Variants in OPA1 observed in about 807,000 individuals in gnomAD.
The protein encoded by OPA1 is OPA1 mitochondrial dynamin like GTPase.
In OPA1, 59 loss-of-function variants were observed where a neutral mutation model predicts 152.9. The ratio of observed to expected loss-of-function variants is 0.39; its 90% CI spans 0.31 to 0.48. OPA1 has a LOEUF of 0.48. Ranked by LOEUF, OPA1 falls within the 20% of genes least tolerant of loss-of-function variation. OPA1 has a pLI of 0.96. For synonymous variants in OPA1, 400 were observed against 389.9 expected, an observed-to-expected ratio of 1.03 and a Z score of -0.31; for missense variants, 1,008 against 1,216.8, an observed-to-expected ratio of 0.83 and a Z score of 2.55.
At chr3:193,663,921 C>T (rs1715909636) in intron 26 of OPA1, among the ~76,000 whole-genome samples, 1 of 152,038 alleles carries the variant, frequency 6.6e-6, no homozygotes, top group Admixed American at 6.6e-5. Flanking sequence ...TTGTTGGTCC[C>T]AGCTCTCGTT....
intron 1 of OPA1, among the ~76,000 whole-genome samples, chr3:193,600,510 G>A (rs772719200): frequency 1.3e-5 from 2 of 152,176 alleles, no homozygotes; most frequent in Non-Finnish European, 2.9e-5. Context: ...CCGTCAAAAT[G>A]CTAAGGTGTA....
chr3:193,671,865 G>A (rs868147385), intron 29 of OPA1, among the ~76,000 whole-genome samples: 20 of 152,326 alleles, frequency 1.3e-4, no homozygotes, highest in African/African-American at 4.1e-4. Flanking sequence ...CCCTGAAGAC[G>A]TTGAAACACT....
At chr3:193,610,365 G>A (rs1728010583) in intron 1 of OPA1, among the ~76,000 whole-genome samples, 1 of 152,234 alleles carries the variant, frequency 6.6e-6, no homozygotes, top group Non-Finnish European at 1.5e-5. Flanking sequence ...TTGGTGAACA[G>A]CAGATGTTGC....
chr3:193,593,878 T>G (rs1394390792), intron 1 of OPA1, among the ~76,000 whole-genome samples: 1 of 152,082 alleles, frequency 6.6e-6, no homozygotes, highest in Non-Finnish European at 1.5e-5. Context: ...GTACCTGGGC[T>G]CTTCTATCGG....
chr3:193,602,901 G>A (rs1726676961), intron 1 of OPA1, among the ~76,000 whole-genome samples: 1 of 152,102 alleles, frequency 6.6e-6, no homozygotes, highest in Non-Finnish European at 1.5e-5. Flanking sequence ...TTCCTACATG[G>A]GAAGGCCTTT....
chr3:193,675,323 T>TTTA (rs1718729535), intron 29 of OPA1, among the ~76,000 whole-genome samples: 1 of 122,894 alleles, frequency 8.1e-6, no homozygotes. Flanking sequence ...TTTTTTTTTT[T>TTTA]TAAGAAAAAA....
intron 19 of OPA1, 127 bp downstream of exon 19, chr3:193,647,307 G>C: frequency 1.5e-6 from 1 of 685,630 alleles, no homozygotes; most frequent in Non-Finnish European, 2.6e-6. Flanking sequence ...CAATTAGACA[G>C]TATCTGGAAA....
intron 11 of OPA1, among the ~76,000 whole-genome samples, chr3:193,639,661 A>G (rs1017296344): frequency 3.9e-5 from 6 of 152,206 alleles, no homozygotes; most frequent in Non-Finnish European, 8.8e-5. Flanking sequence ...CATTGTACAG[A>G]CTTCCGTTTT....
chr3:193,619,822 A>G (rs1289295037), intron 6 of OPA1: 2 of 152,206 alleles, frequency 1.3e-5, no homozygotes, highest in African/African-American at 4.8e-5. Context: ...GGAAGCAGAA[A>G]GAAGAAATAA....
At chr3:193,650,081 A>G (rs1280130810) in intron 21 of OPA1, among the ~76,000 whole-genome samples, 8 of 152,216 alleles carry the variant, frequency 5.3e-5, no homozygotes, top group Admixed American at 5.2e-4. Context: ...AATTTTTGGT[A>G]TCATCAAATG....
At position 193,600,063 on chromosome 3, in the gene OPA1, C is replaced by T. The variant is rs1021733282; in HGVS notation, c.32+6654C>T. 2.6e-5 allele frequency among the ~76,000 whole-genome samples: 4 copies of T among 152,152 alleles called. No individual in the cohort carries two copies. The East Asian group carries it at 5.8e-4, about 22-fold the overall frequency. On this transcript the variant is annotated intron_variant, in intron 1 of 30. Coordinates refer to ENST00000361510, the MANE Select transcript of OPA1 (RefSeq NM_130837.3). The stretch of plus-strand genomic sequence containing the variant: ...GATGCATACTACTAAGTTAGGTTTT[C>T]GATTTTGTCTGCCTATTTGAGCTAG...
intron 1 of OPA1, among the ~76,000 whole-genome samples, chr3:193,596,527 A>G: frequency 6.6e-6 from 1 of 151,816 alleles, no homozygotes; most frequent in Non-Finnish European, 1.5e-5. Context: ...GGCGTGCGCC[A>G]CTGCATTTGG....
At chr3:193,660,002 G>A (rs566700055) in intron 25 of OPA1, among the ~76,000 whole-genome samples, 37 of 152,226 alleles carry the variant, frequency 2.4e-4, no homozygotes, top group Admixed American at 3.9e-4. Flanking sequence ...AAAAAAATTA[G>A]CCAGGTGTGG....
rs1734784006 is a variant in OPA1 at position 193,647,146 on chromosome 3, A to G, written c.1836A>G (p.Arg612=). The G allele has an allele frequency of 6.2e-7, 1 of 1,613,308 alleles. No homozygotes were observed. The highest frequency in any genetic ancestry group is 1.7e-5 in the Admixed American group (1 of 59,996). Reference sequence around the variant, plus strand: ...CAGACTGCTTTTGGAAAATGGTACGAGAGTCTGTTGAACAACAGGCTGATA... The same window carrying G: ...CAGACTGCTTTTGGAAAATGGTACGGGAGTCTGTTGAACAACAGGCTGATA... ...AVSDCFWKMV[R]ESVEQQADSF... Residue 612 remains arginine (R), a synonymous_variant, in exon 19 of 31, where the codon CGA becomes CGG. Transcript: ENST00000361510.
rs180702506 is a variant in OPA1 at position 193,642,614 on chromosome 3, T to C, written c.1150-151T>C. 26 of 657,838 alleles carry C rather than the reference T, an allele frequency of 4.0e-5. 1 individual carries two copies. Among genetic ancestry groups the C allele is most frequent in the African/African-American group, 3.4e-4 (19 of 55,234 alleles). 40.8% of individuals were successfully genotyped at this position (657,838 alleles called of 1,614,324 possible). A position where few individuals can be genotyped will look rare whatever the true frequency, so the allele number is the denominator to read the frequency against. ...AATTATTGTCTTGTCAGAACTACCA[T>C]GTTGACAGCTTCAGGGGGTGCCCCA... On this transcript the variant is annotated intron_variant, in intron 11 of 30. Transcript: ENST00000361510.
At chr3:193,676,824 C>G (rs545744258) in intron 29 of OPA1, among the ~76,000 whole-genome samples, 2 of 151,864 alleles carry the variant, frequency 1.3e-5, no homozygotes, top group Admixed American at 1.3e-4. Flanking sequence ...ACTAAAAATA[C>G]AAAAAATTTA....
chr3:193,668,327 T>A, intron 29 of OPA1: 1 of 1,550,754 alleles, frequency 6.4e-7, no homozygotes, highest in Non-Finnish European at 8.7e-7. Context: ...ATGTTCTTTT[T>A]CCCCAGCTCG....
intron 1 of OPA1, among the ~76,000 whole-genome samples, chr3:193,603,879 C>T (rs1225705463): frequency 6.6e-6 from 1 of 152,210 alleles, no homozygotes; most frequent in Non-Finnish European, 1.5e-5. Flanking sequence ...TCTGATACTA[C>T]ACTCACACCG....
At chr3:193,673,304 T>G (rs1275677035) in intron 29 of OPA1, among the ~76,000 whole-genome samples, 1 of 152,232 alleles carries the variant, frequency 6.6e-6, no homozygotes, top group Non-Finnish European at 1.5e-5. Context: ...ATGTTAGTGA[T>G]GATGATAATG....
Sources: gnomAD v4.1 joint callset for allele counts (sites outside exome capture counted in the v4.1 genomes callset) on GRCh38, gnomAD v4.1.1 for gene constraint, MANE v1.5 for transcripts, NCBI Gene and HGNC (gene_info 2026-07-23, HGNC 2026-07-21) for gene names.